The following SLC12A3 variants were observed in gnomAD, a reference collection of about 807,000 sequenced individuals.
SLC12A3 encodes solute carrier family 12 member 3.
In SLC12A3, 104 loss-of-function variants were observed where a neutral mutation model predicts 121.0. That is an observed-to-expected ratio of 0.86 (90% confidence interval 0.73 to 1.01). The LOEUF (loss-of-function observed/expected upper bound fraction) is 1.01. SLC12A3 is among the 50% of genes least tolerant of loss of function. SLC12A3 has a pLI of 0.00. For missense variants in SLC12A3, 1,328 were observed against 1,356.3 expected (o/e 0.98, Z 0.33); for synonymous variants, 536 against 533.4 (o/e 1.00, Z -0.07).
intron 8 of SLC12A3, 23 bp from the exon 9 acceptor site, chr16:56,878,054 C>G: frequency 1.2e-6 from 1 of 851,586 alleles, no homozygotes. Context: ...CTCCCTCCCT[C>G]CCTCTCTCCC....
At chr16:56,897,837 C>T (rs1459124276) in intron 22 of SLC12A3, among the ~76,000 whole-genome samples, 4 of 152,328 alleles carry the variant, frequency 2.6e-5, no homozygotes, top group Non-Finnish European at 5.9e-5. Flanking sequence ...CTATGCTGCC[C>T]TTGCCTAGGC....
At chr16:56,882,531 C>A (rs772539332) in intron 13 of SLC12A3, 34 bp downstream of exon 13, 9 of 1,536,344 alleles carry the variant, frequency 5.9e-6, no homozygotes, top group Admixed American at 1.7e-5. Flanking sequence ...CAGGAGGAGG[C>A]ACCCAGGGGG....
rs1254795136 is a variant in SLC12A3 at position 56,880,202 on chromosome 16, G to A, written c.1516G>A (p.Val506Met). 3 of 1,596,664 alleles carry A rather than the reference G, an allele frequency of 1.9e-6. No individual in the cohort carries two copies. Among genetic ancestry groups the A allele is most frequent in the East Asian group, 2.3e-5 (1 of 44,388 alleles). The change falls in exon 12 of 26, where the codon GTG becomes ATG. Residue 506 changes from valine to methionine, a missense_variant. Transcript: ENST00000563236. Reference sequence around the variant, plus strand: ...AGGCTATGGCAAGAACAAGGAGCCCGTGCGTGGCTACCTGCTGGCCTACGC... The same window carrying A: ...AGGCTATGGCAAGAACAAGGAGCCCATGCGTGGCTACCTGCTGGCCTACGC... ...GKGYGKNKEP[V>M]RGYLLAYAIA...
intron 15 of SLC12A3, 58 bp downstream of exon 15, chr16:56,885,422 G>A: frequency 8.7e-7 from 1 of 1,152,986 alleles, no homozygotes; most frequent in Non-Finnish European, 1.3e-6. Context: ...GCTCCACCCT[G>A]GGAGTTTCCA....
Position 56,914,706 on chromosome 16 carries a change from A to C in SLC12A3, c.*1301A>C, listed in dbSNP as rs9927820. On this transcript the variant is annotated 3_prime_UTR_variant, in exon 26 of 26. Transcript: ENST00000563236. ...GCAGGAGAGTCAAAAAAGAGTTTTA[A>C]AGAAGGGGCAAGGTTGAAGGAGTCT... 43,318 of 152,124 alleles carry C rather than the reference A, an allele frequency of 0.28. 6,283 individuals are homozygous for C. The highest frequency in any genetic ancestry group is 0.32 in the African/African-American group (13,280 of 41,466). 9.4% of individuals were successfully genotyped at this position (152,124 alleles called of 1,614,324 possible).
At chr16:56,879,361 C>A in intron 10 of SLC12A3, 134 bp downstream of exon 10, 1 of 1,260,142 alleles carries the variant, frequency 7.9e-7, no homozygotes, top group Non-Finnish European at 1.1e-6. Context: ...GAGAGGGGTT[C>A]AGAGCCCAGG....
intron 17 of SLC12A3, 127 bp from the exon 18 acceptor site, chr16:56,887,798 A>ATATATATATATATATTT (rs1433682477): frequency 3.2e-4 from 22 of 68,430 alleles, no homozygotes; most frequent in Non-Finnish European, 4.6e-4. Flanking sequence ...ATATATATAT[A>ATATATATATATATATTT]TTTTTTTTTT....
intron 22 of SLC12A3, among the ~76,000 whole-genome samples, chr16:56,895,546 T>C (rs1205653169): frequency 6.6e-6 from 1 of 150,512 alleles, no homozygotes; most frequent in African/African-American, 2.4e-5. Flanking sequence ...AATTTATATA[T>C]AATTTTTTGA....
intron 22 of SLC12A3, among the ~76,000 whole-genome samples, chr16:56,895,366 G>A (rs543917456): frequency 6.6e-6 from 1 of 150,406 alleles, no homozygotes; most frequent in South Asian, 2.1e-4. Flanking sequence ...TAGTTTTTTT[G>A]TATTTTTAGT....
intron 24 of SLC12A3, among the ~76,000 whole-genome samples, chr16:56,902,766 GTCCTCCTCC>G (rs113468906): frequency 2.8e-5 from 4 of 143,352 alleles, no homozygotes; most frequent in Non-Finnish European, 4.5e-5. Context: ...ACTGCCCGGA[GTCCTCCTCC>G]TCCTCCTCCT....
intron 23 of SLC12A3, among the ~76,000 whole-genome samples, chr16:56,900,961 C>G (rs1314736478): frequency 6.6e-6 from 1 of 152,174 alleles, no homozygotes; most frequent in Non-Finnish European, 1.5e-5. Flanking sequence ...CTCCCTTCCC[C>G]TAATCCTCCC....
Position 56,884,203 on chromosome 16 carries a change from AG to A in SLC12A3, c.1825+1del. ...LLLYVIYKKPEVNWGSSVQAG... is the reference protein window; with the variant it reads ...LLLYVIYKKPXVNWGSSVQAG... ...TGCTCTATGTCATCTACAAGAAGCC[AG>A]GTGCGCATCTCAGCTGCGGGGCCTC... On this transcript the variant is annotated frameshift_variant and splice_region_variant, in exon 14 of 26. Coordinates refer to ENST00000563236, the MANE Select transcript of SLC12A3 (RefSeq NM_001126108.2). LOFTEE classifies it high-confidence loss of function. 2 of 1,614,028 alleles carry A rather than the reference AG, an allele frequency of 1.2e-6. No individual in the cohort carries two copies. The highest frequency in any genetic ancestry group is 1.7e-6 in the Non-Finnish European group (2 of 1,179,964).
chr16:56,906,756 A>T (rs946457465), intron 25 of SLC12A3: 1 of 738,242 alleles, frequency 1.4e-6, no homozygotes, highest in Non-Finnish European at 2.2e-6. Context: ...CTTTGGCATG[A>T]TTTATGATTC....
At chr16:56,878,688 C>T (rs1319021191) in intron 9 of SLC12A3, among the ~76,000 whole-genome samples, 1 of 151,972 alleles carries the variant, frequency 6.6e-6, no homozygotes, top group Non-Finnish European at 1.5e-5. Context: ...GAACTGAGAT[C>T]CTCACAGATG....
In SLC12A3 at chr16:56,913,494, T is replaced by A; in HGVS notation, c.*89T>A. 7.6e-7 allele frequency: 1 copy of A among 1,314,024 alleles called. No homozygotes were observed. Among genetic ancestry groups the A allele is most frequent in the South Asian group, 1.2e-5 (1 of 84,702 alleles). 81.4% of individuals were successfully genotyped at this position (1,314,024 alleles called of 1,614,324 possible). ...CTCTAGTCCACAGGGATGAGACTCA[T>A]GTTCTGTTGCACTTTAAGTGGCAGC... On this transcript the variant is annotated 3_prime_UTR_variant, in exon 26 of 26. Coordinates refer to ENST00000563236, the MANE Select transcript of SLC12A3 (RefSeq NM_001126108.2).
chr16:56,873,697 T>C (rs1435971851), intron 8 of SLC12A3, among the ~76,000 whole-genome samples: 1 of 122,828 alleles, frequency 8.1e-6, no homozygotes, highest in Non-Finnish European at 1.7e-5. Flanking sequence ...CTCTTTTATT[T>C]ATTTTATTTT....
Position 56,878,064 on chromosome 16 carries a change from C to CTCCCTCCCTCCCTCCCTCTCTCCT in SLC12A3, c.1096-6_1096-5insCTCCCTCCCTCTCTCCTTCCCTCC, listed in dbSNP as rs1413356982. The CTCCCTCCCTCCCTCCCTCTCTCCT allele has an allele frequency of 8.4e-7, 1 of 1,197,418 alleles. No homozygotes were observed. 74.2% of individuals were successfully genotyped at this position (1,197,418 alleles called of 1,614,324 possible). A position where few individuals can be genotyped will look rare whatever the true frequency, so the allele number is the denominator to read the frequency against. ...CCTCCCTCCCTCCCTCCCTCTCTCC[C>CTCCCTCCCTCCCTCCCTCTCTCCT]TCCCTCCTTCAGGACCCTGCTATAG... On this transcript the variant is annotated splice_polypyrimidine_tract_variant and intron_variant, in intron 8 of 25. Coordinates refer to ENST00000563236, the MANE Select transcript of SLC12A3 (RefSeq NM_001126108.2).
At position 56,877,877 on chromosome 16, in the gene SLC12A3, G is replaced by A. The variant is rs573362143; in HGVS notation, c.1096-200G>A. Among the ~76,000 whole-genome samples the A allele has an allele frequency of 3.8e-4, 58 of 152,334 alleles. 2 individuals are homozygous for A. In the South Asian group the frequency reaches 0.012, roughly 30 times the overall value. On this transcript the variant is annotated intron_variant, in intron 8 of 25. Coordinates refer to ENST00000563236, the MANE Select transcript of SLC12A3 (RefSeq NM_001126108.2). The stretch of plus-strand genomic sequence containing the variant: ...TTGGTTGTATTCATCCCTCTCTGGG[G>A]GTCCTCAGTCATGAGGCTCCTTCCT...
chr16:56,891,978 G>A, intron 19 of SLC12A3, 105 bp from the exon 20 acceptor site: 1 of 858,308 alleles, frequency 1.2e-6, no homozygotes, highest in Non-Finnish European at 2.0e-6. Flanking sequence ...GCCAGGTGGG[G>A]CATCGGGACT....
Sources: allele counts gnomAD v4.1 joint callset (sites outside exome capture counted in the v4.1 genomes callset), GRCh38; gene constraint gnomAD v4.1.1; transcripts MANE v1.5; gene names NCBI Gene and HGNC (gene_info 2026-07-23, HGNC 2026-07-21).